Variants in ENKUR observed in about 807,000 individuals in gnomAD.
ENKUR encodes enkurin, TRPC channel interacting protein.
Under a neutral mutation model 27.6 loss-of-function variants are expected in ENKUR, and 19 were observed. The observed-to-expected ratio is 0.69, with a 90% CI of 0.48 to 1.01. The LOEUF (loss-of-function observed/expected upper bound fraction) is 1.01, where lower values mean the gene tolerates loss of function less well. Ranked by LOEUF, ENKUR falls within the 50% of genes least tolerant of loss-of-function variation. ENKUR has a pLI of 0.00. For synonymous variants in ENKUR, 117 were observed against 96.9 expected (o/e 1.21, Z -1.22); for missense variants, 312 against 310.5 (o/e 1.00, Z -0.04).
intron 2 of ENKUR, among the ~76,000 whole-genome samples, chr10:25,044,674 G>A (rs1012467768): frequency 2.0e-5 from 3 of 152,202 alleles, no homozygotes; most frequent in African/African-American, 7.2e-5. Context: ...TGGGATTACA[G>A]GCATGAGCCA....
chr10:25,016,703 C>G (rs1021589552), upstream of ENKUR: 1 of 152,380 alleles, frequency 6.6e-6, no homozygotes. Context: ...GTACGGTGCT[C>G]CGTCTCCTGT....
intron 2 of ENKUR, among the ~76,000 whole-genome samples, chr10:25,056,886 C>T (rs758726653): frequency 1.1e-4 from 17 of 152,194 alleles, no homozygotes; most frequent in Middle Eastern, 3.4e-3. Flanking sequence ...GCAGCTAGGA[C>T]GTTGCCAAGA....
chr10:25,023,600 G>C (rs779653394), intron 2 of ENKUR: 1 of 1,614,124 alleles, frequency 6.2e-7, no homozygotes, highest in Admixed American at 1.7e-5. Context: ...TCTGCATCTG[G>C]AAGTGTGATT....
chr10:25,060,998 G>T, intron 2 of ENKUR: 1 of 975,056 alleles, frequency 1.0e-6, no homozygotes, highest in Non-Finnish European at 1.5e-6. Context: ...ACAGGCAAGA[G>T]CCACTGGGCC....
rs183990475 is a variant in ENKUR, at chr10:25,058,696, G to A, written c.37+2416C>T. Among the ~76,000 whole-genome samples the A allele has an allele frequency of 7.1e-3, 1,069 of 151,478 alleles. 15 individuals carry two copies. The highest frequency in any genetic ancestry group is 0.025 in the African/African-American group (1,027 of 41,266). ...CTGTAATCCCAGCACTTTGGGAGGC[G>A]TAGGCGAGCTGATCACCTGAGGTCA... On this transcript the variant is annotated intron_variant, in intron 2 of 5. Transcript: ENST00000615958.
intron 2 of ENKUR, among the ~76,000 whole-genome samples, chr10:24,996,307 A>G (rs969650529): frequency 6.6e-6 from 1 of 152,150 alleles, no homozygotes; most frequent in Non-Finnish European, 1.5e-5. Context: ...CCTTAGTCCC[A>G]GCTACTCAGG....
chr10:25,056,213 G>A (rs1851254228), intron 2 of ENKUR, among the ~76,000 whole-genome samples: 1 of 152,198 alleles, frequency 6.6e-6, no homozygotes, highest in Non-Finnish European at 1.5e-5. Flanking sequence ...CCCATGCTCT[G>A]CAATGAGCAG....
chr10:25,047,489 C>G (rs779349959), intron 2 of ENKUR, among the ~76,000 whole-genome samples: 2 of 152,170 alleles, frequency 1.3e-5, no homozygotes, highest in Non-Finnish European at 2.9e-5. Flanking sequence ...CCTGGCTTTG[C>G]TCAATTTCCT....
chr10:25,005,578 G>A (rs913253010), intron 1 of ENKUR, among the ~76,000 whole-genome samples: 11 of 152,122 alleles, frequency 7.2e-5, no homozygotes, highest in Non-Finnish European at 1.5e-4. Context: ...GAACTCTGGA[G>A]CCTAGGCTGT....
In ENKUR at chr10:24,990,548, T is replaced by C. The variant is rs776171654; in HGVS notation, c.509A>G (p.Glu170Gly). Residue 170 changes from glutamate (E) to glycine (G), a missense_variant, in exon 4 of 6, where the codon GAA (glutamate) becomes GGA (glycine). Glu to Gly is a moderately conservative substitution (Grantham distance 98). Transcript: ENST00000331161. ...TTCCTGGATATAACGATCATAGTCT[T>C]CTTGGGCTTTCTTTATTTCCTCGTT... ...KRNEEIKKAQ[E>G]DYDRYIQENL... 5.6e-6 allele frequency: 9 copies of C among 1,613,772 alleles called. No homozygotes were observed. Among genetic ancestry groups the C allele is most frequent in the African/African-American group, 1.3e-5 (1 of 74,912 alleles).
In ENKUR at chr10:24,982,986, T is replaced by A. The variant is rs927709411; in HGVS notation, c.*1384A>T. 6.6e-6 allele frequency: 1 copy of A among 152,184 alleles called. No individual in the cohort carries two copies. Among genetic ancestry groups the A allele is most frequent in the African/African-American group, 2.4e-5 (1 of 41,446 alleles). 9.4% of individuals were successfully genotyped at this position (152,184 alleles called of 1,614,324 possible). On this transcript the variant is annotated 3_prime_UTR_variant, in exon 6 of 6. Transcript: ENST00000331161. ...AGAATATTTTTGCATTGCTACTGAT[T>A]TTGAATTATTTAAAAATGAGTATGT...
At chr10:25,025,471 AT>A (rs763779047) in intron 2 of ENKUR, 97 of 1,580,264 alleles carry the variant, frequency 6.1e-5, no homozygotes, top group South Asian at 1.3e-4. Flanking sequence ...TTCAGAGTAA[AT>A]TTTTTTTTCT....
intron 1 of ENKUR, among the ~76,000 whole-genome samples, chr10:25,003,184 T>TAA (rs1256617184): frequency 6.7e-5 from 10 of 149,608 alleles, no homozygotes; most frequent in Non-Finnish European, 9.0e-5. Flanking sequence ...ATTAATTAAT[T>TAA]TATTTATTTA....
At chr10:25,058,567 T>G (rs983181837) in intron 2 of ENKUR, among the ~76,000 whole-genome samples, 1 of 152,044 alleles carries the variant, frequency 6.6e-6, no homozygotes, top group African/African-American at 2.4e-5. Flanking sequence ...CCATACTGAT[T>G]AGAAATGAGA....
At chr10:25,023,770 A>G in intron 2 of ENKUR, 3 of 1,614,068 alleles carry the variant, frequency 1.9e-6, no homozygotes, top group African/African-American at 1.3e-5. Context: ...AACATCTATG[A>G]AAGACTTACT....
upstream of ENKUR, among the ~76,000 whole-genome samples, chr10:25,021,076 C>A (rs1310612687): frequency 6.6e-6 from 1 of 152,140 alleles, no homozygotes; most frequent in African/African-American, 2.4e-5. Flanking sequence ...TGGGTGAACA[C>A]CACGGTATTC....
intron 2 of ENKUR, among the ~76,000 whole-genome samples, chr10:25,048,345 C>A (rs1221973858): frequency 6.6e-6 from 1 of 151,972 alleles, no homozygotes; most frequent in Non-Finnish European, 1.5e-5. Flanking sequence ...ATGATCAGAA[C>A]TAGGGGTCTA....
chr10:25,037,869 A>G (rs1046412664), intron 2 of ENKUR, among the ~76,000 whole-genome samples: 8 of 152,148 alleles, frequency 5.3e-5, no homozygotes, highest in African/African-American at 1.9e-4. Flanking sequence ...TTAACTTGCT[A>G]AGATCCTGAA....
intron 1 of ENKUR, among the ~76,000 whole-genome samples, chr10:25,004,775 T>A (rs1850274616): frequency 6.6e-6 from 1 of 152,188 alleles, no homozygotes; most frequent in South Asian, 2.1e-4. Flanking sequence ...TTAGATCCCA[T>A]ATGTCAATTT....
Sources: gnomAD v4.1 joint callset for allele counts (sites outside exome capture counted in the v4.1 genomes callset) on GRCh38, gnomAD v4.1.1 for gene constraint, MANE v1.5 for transcripts, NCBI Gene and HGNC (gene_info 2026-07-23, HGNC 2026-07-21) for gene names.